RIN2: variants seen among roughly 807,000 people sequenced by gnomAD.
RIN2 encodes Ras and Rab interactor 2, also known as RAB5 interacting protein 2.
RIN2 carries 36 observed loss-of-function variants against 78.0 expected under a neutral mutation model. That is an observed-to-expected ratio of 0.46 (90% CI 0.35 to 0.61). The LOEUF is 0.61. RIN2 is among the 20% of genes least tolerant of loss of function. The pLI is 0.00. For synonymous variants in RIN2, 466 were observed against 466.8 expected (o/e 1.00, Z 0.02); for missense variants, 1,087 against 1,159.7 (o/e 0.94, Z 0.91).
chr20:19,962,205 T>C (rs945760927), intron 6 of RIN2, among the ~76,000 whole-genome samples: 5 of 151,132 alleles, frequency 3.3e-5, no homozygotes, highest in South Asian at 2.1e-4. Context: ...CTAAGGAGGC[T>C]GAGGTGGGAT....
At chr20:19,923,291 CTG>C (rs2040002397) in intron 3 of RIN2, among the ~76,000 whole-genome samples, 1 of 151,854 alleles carries the variant, frequency 6.6e-6, no homozygotes, top group Non-Finnish European at 1.5e-5. Context: ...TGGCGGGCGC[CTG>C]TAGTCTCAGC....
In RIN2 at chr20:19,855,906, T is replaced by G. The variant is rs189462514; in HGVS notation, c.-36-33660T>G. ...CTGGCCAACATGGTGAAACCCTATC[T>G]CTACTAAAAATACAAAAATTAGCAG... On this transcript the variant is annotated intron_variant, in intron 2 of 12. Transcript: ENST00000255006. Among the ~76,000 whole-genome samples the G allele has an allele frequency of 1.5e-3, 234 of 152,180 alleles. 3 individuals carry two copies. The highest frequency in any genetic ancestry group is 5.6e-3 in the African/African-American group (231 of 41,520).
chr20:19,799,028 T>G (rs1413164396), intron 1 of RIN2, among the ~76,000 whole-genome samples: 2 of 152,174 alleles, frequency 1.3e-5, no homozygotes, highest in East Asian at 1.9e-4. Flanking sequence ...GCCTCCCCAG[T>G]AGGTGGGACC....
intron 2 of RIN2, among the ~76,000 whole-genome samples, chr20:19,830,404 G>A (rs774544409): frequency 5.4e-4 from 82 of 152,080 alleles, no homozygotes; most frequent in Non-Finnish European, 8.1e-4. Context: ...GTGCAGTTTG[G>A]TGAAGACCCC....
intron 3 of RIN2, among the ~76,000 whole-genome samples, chr20:19,932,100 G>A (rs1043297000): frequency 6.6e-6 from 1 of 152,200 alleles, no homozygotes; most frequent in Non-Finnish European, 1.5e-5. Context: ...CATTGTAACG[G>A]TCTTAAAAGG....
chr20:19,917,110 T>TTA (rs2039715621), intron 3 of RIN2, among the ~76,000 whole-genome samples: 1 of 147,810 alleles, frequency 6.8e-6, no homozygotes, highest in African/African-American at 2.5e-5. Context: ...TTAAAAAATT[T>TTA]AAAAAAAAAA....
chr20:19,899,482 A>G (rs1339726740), intron 3 of RIN2, among the ~76,000 whole-genome samples: 1 of 152,216 alleles, frequency 6.6e-6, no homozygotes, highest in African/African-American at 2.4e-5. Context: ...CCAAAATCTT[A>G]GTGACTTCAA....
At chr20:19,900,007 T>G (rs2123615738) in intron 3 of RIN2, among the ~76,000 whole-genome samples, 1 of 152,262 alleles carries the variant, frequency 6.6e-6, no homozygotes, top group East Asian at 1.9e-4. Flanking sequence ...GGGCCTGGCA[T>G]CAGACAGGTG....
At position 20,000,911 on chromosome 20, in the gene RIN2, G is replaced by A. The variant is rs1389447578; in HGVS notation, c.2663G>A (p.Gly888Glu). 1 of 1,612,326 alleles carries A rather than the reference G, an allele frequency of 6.2e-7. No individual in the cohort carries two copies. Among genetic ancestry groups the A allele is most frequent in the Admixed American group, 1.7e-5 (1 of 59,980 alleles). Residue 888 changes from glycine (G) to glutamate (E), a missense_variant, in exon 13 of 13, where the codon GGG (glycine) becomes GAG (glutamate). This residue lies in a region of RIN2 where 160 missense variants were observed against 179.4 expected (regional missense o/e 0.89). Coordinates refer to ENST00000255006, the MANE Select transcript of RIN2 (RefSeq NM_018993.4). The part of the protein sequence containing the change: ...NDPYGIIFQN[G>E]EEDLTTS ...CCTTATGGCATCATTTTCCAGAACG[G>A]GGAAGAAGACCTCACCACCTCCTAG...
At chr20:19,976,552 C>T (rs2042285092) in intron 9 of RIN2, among the ~76,000 whole-genome samples, 1 of 152,202 alleles carries the variant, frequency 6.6e-6, no homozygotes. Flanking sequence ...GGATGAGTTG[C>T]TAATGGTTAC....
At chr20:19,956,115 G>A (rs1387288726) in intron 4 of RIN2, among the ~76,000 whole-genome samples, 9 of 151,780 alleles carry the variant, frequency 5.9e-5, no homozygotes, top group African/African-American at 9.7e-5. Flanking sequence ...AAATTTAGCC[G>A]GGCATTGTGG....
At position 19,980,808 on chromosome 20, in the gene RIN2, C is replaced by T. The variant is rs181848657; in HGVS notation, c.1762+5021C>T. Among the ~76,000 whole-genome samples the T allele has an allele frequency of 4.0e-3, 604 of 152,276 alleles. 2 individuals are homozygous for T. The highest frequency in any genetic ancestry group is 0.014 in the African/African-American group (576 of 41,542). On this transcript the variant is annotated intron_variant, in intron 9 of 12. Transcript: ENST00000255006. Reference sequence around the variant, plus strand: ...AGCCCTCCCTGGTCCTCAGGTCCTACCCACAGCCTTGTCTCACTAGCTCAG... The same window carrying T: ...AGCCCTCCCTGGTCCTCAGGTCCTATCCACAGCCTTGTCTCACTAGCTCAG...
chr20:19,786,924 A>G (rs150893933), intron 1 of RIN2, among the ~76,000 whole-genome samples: 229 of 152,288 alleles, frequency 1.5e-3, no homozygotes, highest in African/African-American at 5.2e-3. Context: ...AGCTTTATGT[A>G]TCTATTGCTT....
chr20:19,808,821 T>C (rs1245763290), intron 2 of RIN2, among the ~76,000 whole-genome samples: 1 of 152,172 alleles, frequency 6.6e-6, no homozygotes. Flanking sequence ...CCAGCGACCC[T>C]AGGGATACCC....
At chr20:19,950,525 A>G (rs1055681094) in intron 4 of RIN2, among the ~76,000 whole-genome samples, 3 of 152,158 alleles carry the variant, frequency 2.0e-5, no homozygotes, top group East Asian at 1.9e-4. Context: ...CATTTTCTTT[A>G]TCTCCCTATT....
At chr20:19,825,638 C>T (rs946164252) in intron 2 of RIN2, among the ~76,000 whole-genome samples, 1 of 152,196 alleles carries the variant, frequency 6.6e-6, no homozygotes, top group Non-Finnish European at 1.5e-5. Flanking sequence ...GTTGAGGACA[C>T]TCAGAATAGG....
chr20:19,992,957 G>A (rs960323987), intron 11 of RIN2, among the ~76,000 whole-genome samples: 1 of 151,998 alleles, frequency 6.6e-6, no homozygotes, highest in Admixed American at 6.6e-5. Flanking sequence ...AAAAATACAG[G>A]GGTGTGGAAT....
intron 1 of RIN2, among the ~76,000 whole-genome samples, chr20:19,767,405 G>T (rs540663342): frequency 6.6e-6 from 1 of 152,182 alleles, no homozygotes; most frequent in Non-Finnish European, 1.5e-5. Context: ...TGGAGGGAAA[G>T]TTACAGCAGT....
At chr20:19,887,780 T>C (rs1356181355) in intron 2 of RIN2, among the ~76,000 whole-genome samples, 2 of 152,230 alleles carry the variant, frequency 1.3e-5, no homozygotes, top group African/African-American at 4.8e-5. Context: ...GGCTCTCGTT[T>C]AGCAATTCCT....
Sources: gnomAD v4.1 joint callset for allele counts (sites outside exome capture counted in the v4.1 genomes callset) on GRCh38, gnomAD v4.1.1 for gene constraint, gnomAD v4.1.1 regional missense constraint, MANE v1.5 for transcripts, NCBI Gene and HGNC (gene_info 2026-07-23, HGNC 2026-07-21) for gene names.